The following SDHC variants were observed in gnomAD, a reference collection of about 807,000 sequenced individuals.
SDHC encodes succinate dehydrogenase cytochrome b560 subunit, mitochondrial.
SDHC carries 11 observed loss-of-function variants against 22.6 expected under a neutral mutation model. The ratio of observed to expected loss-of-function variants is 0.49; its 90% CI spans 0.31 to 0.81. The LOEUF (loss-of-function observed/expected upper bound fraction) is 0.81. Among genes scored for constraint, SDHC ranks in the 30% least tolerant of loss-of-function variants. The pLI is 0.05. For missense variants in SDHC, 160 were observed against 212.0 expected, an observed-to-expected ratio of 0.75 and a Z score of 1.52; for synonymous variants, 80 against 77.8, an observed-to-expected ratio of 1.03 and a Z score of -0.15.
At chr1:161,349,763 CT>C (rs1672039233) in intron 4 of SDHC, among the ~76,000 whole-genome samples, 1 of 152,200 alleles carries the variant, frequency 6.6e-6, no homozygotes, top group Non-Finnish European at 1.5e-5. Flanking sequence ...AAAAAGTGCA[CT>C]TTGGAATGAG....
chr1:161,328,373 C>A, intron 2 of SDHC, 23 bp from the exon 3 acceptor site: 1 of 1,551,698 alleles, frequency 6.4e-7, no homozygotes, highest in Non-Finnish European at 8.9e-7. Flanking sequence ...TAGTTATTTT[C>A]AAACGGTCTG....
At chr1:161,348,677 A>AAAG (rs1269422715) in intron 4 of SDHC, among the ~76,000 whole-genome samples, 13 of 42,890 alleles carry the variant, frequency 3.0e-4, no homozygotes, top group Admixed American at 2.2e-3. Flanking sequence ...AAAAAAAAAA[A>AAAG]AAAAAAAAAA....
At chr1:161,345,648 G>A (rs1671866198) in intron 4 of SDHC, among the ~76,000 whole-genome samples, 1 of 152,026 alleles carries the variant, frequency 6.6e-6, no homozygotes, top group Non-Finnish European at 1.5e-5. Context: ...AGTAGAGACA[G>A]GGTTTCACCA....
At chr1:161,322,488 C>T (rs1367618237) in intron 1 of SDHC, among the ~76,000 whole-genome samples, 1 of 151,916 alleles carries the variant, frequency 6.6e-6, no homozygotes, top group Non-Finnish European at 1.5e-5. Context: ...ATGTTAGTTC[C>T]TGAAATGAAC....
intron 5 of SDHC, among the ~76,000 whole-genome samples, chr1:161,359,393 C>A (rs1367080695): frequency 2.6e-5 from 4 of 152,132 alleles, no homozygotes; most frequent in African/African-American, 9.7e-5. Context: ...GGGCAGTGTT[C>A]AGTTTGATTT....
At position 161,315,799 on chromosome 1, in the gene SDHC, GAGAA is replaced by G. The variant is rs562199509; in HGVS notation, c.20+1380_20+1383del. Among the ~76,000 whole-genome samples, 902 of 151,810 alleles carry G rather than the reference GAGAA, an allele frequency of 5.9e-3. 13 individuals carry two copies. The highest frequency in any genetic ancestry group is 0.021 in the African/African-American group (849 of 41,202). On this transcript the variant is annotated intron_variant, in intron 1 of 5. Transcript: ENST00000367975. ...AAGAAAGAGACACAGACAAAGTATA[GAGAA>G]AGAAAAAAGGGGGCCCAGGGAACCG... is the stretch of plus-strand genomic sequence containing the variant.
At position 161,340,597 on chromosome 1, in the gene SDHC, G is replaced by A; in HGVS notation, c.183G>A (p.Trp61Ter). 1 of 1,613,524 alleles carries A rather than the reference G, an allele frequency of 6.2e-7. No homozygotes were observed. Residue 61 changes from tryptophan to a stop codon, truncating the protein, a stop_gained, in exon 4 of 6, where the codon TGG becomes TGA. Transcript: ENST00000367975. LOFTEE classifies it high-confidence loss of function. ...GTCTTTGTGTGTTTCTTTACAGTTG[G>A]TCTCTTCCCATGGCGATGTCCATCT... ...PLSPHITIYS[W>*]SLPMAMSICH...
intron 3 of SDHC, chr1:161,339,666 T>TG (rs1671642721): frequency 1.5e-5 from 3 of 197,688 alleles, no homozygotes; most frequent in South Asian, 1.0e-4. Context: ...ACAGGTGTTT[T>TG]TTTTTTTTTT....
At chr1:161,319,267 A>G (rs925610236) in intron 1 of SDHC, among the ~76,000 whole-genome samples, 1 of 152,050 alleles carries the variant, frequency 6.6e-6, no homozygotes, top group Non-Finnish European at 1.5e-5. Flanking sequence ...CTGTGGTACT[A>G]TGGATCCAAA....
intron 5 of SDHC, among the ~76,000 whole-genome samples, chr1:161,359,403 T>TA (rs1672413502): frequency 6.6e-6 from 1 of 152,234 alleles, no homozygotes; most frequent in African/African-American, 2.4e-5. Context: ...CAGTTTGATT[T>TA]AAAATGACTT....
chr1:161,344,221 C>T (rs945663787), intron 4 of SDHC, among the ~76,000 whole-genome samples: 3 of 152,188 alleles, frequency 2.0e-5, no homozygotes, highest in African/African-American at 2.4e-5. Flanking sequence ...ACCTGGGAGG[C>T]GGAGCTTGCA....
intron 3 of SDHC, 93 bp from the exon 4 acceptor site, chr1:161,340,500 AT>A: frequency 9.3e-7 from 1 of 1,075,112 alleles, no homozygotes; most frequent in Non-Finnish European, 1.4e-6. Flanking sequence ...AAAAGTGCCT[AT>A]TTCAGAATTA....
chr1:161,339,556 TC>T (rs1671631808), intron 3 of SDHC: 13 of 1,261,900 alleles, frequency 1.0e-5, no homozygotes, highest in Non-Finnish European at 1.3e-5. Flanking sequence ...TTTTTTTTTT[TC>T]TCAGCCCTAT....
At chr1:161,337,668 T>G (rs1671547613) in intron 3 of SDHC, among the ~76,000 whole-genome samples, 1 of 152,186 alleles carries the variant, frequency 6.6e-6, no homozygotes, top group Non-Finnish European at 1.5e-5. Flanking sequence ...ATTTTAACCG[T>G]TTTTGAAAAA....
rs1313419591 is a variant in SDHC at position 161,340,596 on chromosome 1, G to T, written c.182G>T (p.Trp61Leu). The T allele has an allele frequency of 6.2e-7, 1 of 1,613,160 alleles. No homozygotes were observed. The highest frequency in any genetic ancestry group is 8.5e-7 in the Non-Finnish European group (1 of 1,179,394). The change falls in exon 4 of 6, where the codon TGG becomes TTG. Residue 61 changes from tryptophan to leucine, a missense_variant and splice_region_variant. Physicochemically the swap from Trp to Leu is moderately conservative, Grantham distance 61. Around this residue, in one of 2 missense-constraint regions of SDHC, gnomAD observed 86 missense variants for 83.4 expected, o/e 1.03. Transcript: ENST00000367975. ...PLSPHITIYS[W>L]SLPMAMSICH... is the part of the protein sequence containing the mutation. ...TGTCTTTGTGTGTTTCTTTACAGTT[G>T]GTCTCTTCCCATGGCGATGTCCATC...
intron 3 of SDHC, among the ~76,000 whole-genome samples, chr1:161,332,143 A>G (rs996528510): frequency 6.6e-6 from 1 of 151,998 alleles, no homozygotes; most frequent in Non-Finnish European, 1.5e-5. Flanking sequence ...ACACCTGGCT[A>G]GTTTTTAATT....
Position 161,362,634 on chromosome 1 carries a change from A to T in SDHC, c.*201A>T. On this transcript the variant is annotated 3_prime_UTR_variant, in exon 6 of 6. Transcript: ENST00000367975. Reference sequence around the variant, plus strand: ...TCTAGTTTTCCCCTTGTTTCTAAAGATGAGGTGGCTGCAAAAACTCCCCTT... The same window carrying T: ...TCTAGTTTTCCCCTTGTTTCTAAAGTTGAGGTGGCTGCAAAAACTCCCCTT... 6.4e-7 allele frequency: 1 copy of T among 1,566,170 alleles called. No homozygotes were observed. Among genetic ancestry groups the T allele is most frequent in the Non-Finnish European group, 8.7e-7 (1 of 1,155,008 alleles).
chr1:161,348,076 T>C (rs1039292525), intron 4 of SDHC, among the ~76,000 whole-genome samples: 3 of 152,220 alleles, frequency 2.0e-5, no homozygotes, highest in Non-Finnish European at 2.9e-5. Flanking sequence ...ATTTTATGGC[T>C]AATATATAAA....
intron 3 of SDHC, among the ~76,000 whole-genome samples, chr1:161,336,182 G>T (rs1056485237): frequency 6.6e-6 from 1 of 152,112 alleles, no homozygotes; most frequent in Non-Finnish European, 1.5e-5. Flanking sequence ...TAGGAGGCCC[G>T]GTGCGGTGGC....
Sources: gnomAD v4.1 joint callset for allele counts (sites outside exome capture counted in the v4.1 genomes callset) on GRCh38, gnomAD v4.1.1 for gene constraint, gnomAD v4.1.1 regional missense constraint, MANE v1.5 for transcripts, NCBI Gene and HGNC (gene_info 2026-07-23, HGNC 2026-07-21) for gene names.